HMGN5: variants seen among roughly 807,000 people sequenced by gnomAD.
HMGN5 encodes the protein high mobility group nucleosome binding domain 5, also known as high mobility group nucleosome-binding domain-containing protein 5.
A neutral mutation model predicts 9.5 loss-of-function variants in HMGN5; 4 were observed. The observed-to-expected ratio is 0.42, with a 90% confidence interval of 0.21 to 0.96. The LOEUF (loss-of-function observed/expected upper bound fraction) is 0.96, where lower values mean the gene tolerates loss of function less well. Ranked by LOEUF, HMGN5 falls within the 40% of genes least tolerant of loss-of-function variation. HMGN5 has a pLI of 0.30. For missense variants in HMGN5, 192 were observed against 187.5 expected, an observed-to-expected ratio of 1.02 and a Z score of -0.14; for synonymous variants, 55 against 57.1, an observed-to-expected ratio of 0.96 and a Z score of 0.16.
At chrX:81,153,123 T>C (rs1359660841) in intron 1 of HMGN5, among the ~76,000 whole-genome samples, 7 of 107,666 alleles carry the variant, frequency 6.5e-5, no homozygotes, top group Non-Finnish European at 1.2e-4. Context: ...TGTGCACATG[T>C]ACCCTAAAAC....
At chrX:81,164,370 T>A (rs1484023045) in intron 1 of HMGN5, among the ~76,000 whole-genome samples, 2 of 111,260 alleles carry the variant, frequency 1.8e-5, no homozygotes, top group Non-Finnish European at 3.8e-5. Flanking sequence ...TCCTAATGCA[T>A]GCTAGCATTT....
At chrX:81,155,075 G>GTATATATATATATATATATATATATA (rs761895749) in intron 1 of HMGN5, among the ~76,000 whole-genome samples, 1 of 68,982 alleles carries the variant, frequency 1.4e-5, no homozygotes, top group African/African-American at 5.5e-5. Flanking sequence ...GTATATATCA[G>GTATATATATATATATATATATATATA]TATATATATA....
intron 2 of HMGN5, among the ~76,000 whole-genome samples, chrX:81,120,122 G>C (rs1435993435): frequency 1.5e-4 from 17 of 112,251 alleles, no homozygotes; most frequent in Non-Finnish European, 3.0e-4. Flanking sequence ...ACCTGCTTTA[G>C]ATAATGTAAA....
chrX:81,168,335 G>C (rs1187005902), intron 1 of HMGN5, among the ~76,000 whole-genome samples: 2 of 111,689 alleles, frequency 1.8e-5, no homozygotes, highest in Non-Finnish European at 3.8e-5. Flanking sequence ...CAGAGAAAAG[G>C]GTTAATGGAA....
At chrX:81,122,693 C>A (rs1427650679) in intron 1 of HMGN5, among the ~76,000 whole-genome samples, 2 of 111,595 alleles carry the variant, frequency 1.8e-5, no homozygotes, top group Non-Finnish European at 3.8e-5. Flanking sequence ...TTCTAGGCGG[C>A]CCTTTAAAAT....
chrX:81,150,258 T>C (rs1027827527), intron 1 of HMGN5, among the ~76,000 whole-genome samples: 1 of 111,645 alleles, frequency 9.0e-6, no homozygotes, highest in Non-Finnish European at 1.9e-5. Flanking sequence ...ACATAAGGAA[T>C]TTTGGGAACT....
intron 1 of HMGN5, chrX:81,197,614 C>T (rs1377912051): frequency 1.8e-5 from 2 of 110,622 alleles, no homozygotes; most frequent in Admixed American, 9.6e-5. Context: ...CTCCAAAGAG[C>T]TCAGTGATGA....
At chrX:81,197,388 G>A (rs769928382) in intron 1 of HMGN5, among the ~76,000 whole-genome samples, 1 of 112,029 alleles carries the variant, frequency 8.9e-6, no homozygotes, top group East Asian at 2.8e-4. Context: ...CCATAATTTT[G>A]TAGTGTTTTG....
intron 1 of HMGN5, among the ~76,000 whole-genome samples, chrX:81,150,145 G>A (rs946106891): frequency 8.9e-6 from 1 of 112,458 alleles, no homozygotes; most frequent in Non-Finnish European, 1.9e-5. Context: ...CTCAAGAATA[G>A]ACCATATGTT....
chrX:81,198,792 G>A (rs2075516459), intron 1 of HMGN5, among the ~76,000 whole-genome samples: 1 of 111,646 alleles, frequency 9.0e-6, no homozygotes, highest in African/African-American at 3.3e-5. Flanking sequence ...ACAAAAACTG[G>A]AAGCATTCCC....
intron 6 of HMGN5, among the ~76,000 whole-genome samples, chrX:81,115,798 T>A (rs1429979619): frequency 6.2e-5 from 7 of 112,190 alleles, no homozygotes; most frequent in Non-Finnish European, 1.3e-4. Flanking sequence ...GCATTAAATA[T>A]GCAAAATAAG....
intron 1 of HMGN5, among the ~76,000 whole-genome samples, chrX:81,148,226 C>A (rs1015695829): frequency 8.9e-6 from 1 of 111,747 alleles, no homozygotes; most frequent in African/African-American, 3.3e-5. Flanking sequence ...TACCTGACTT[C>A]AAACTACTAC....
chrX:81,159,139 A>G (rs2075391911), intron 1 of HMGN5, among the ~76,000 whole-genome samples: 1 of 111,804 alleles, frequency 8.9e-6, no homozygotes, highest in East Asian at 2.8e-4. Flanking sequence ...AGCAACAGAA[A>G]ACCAAGCACT....
At chrX:81,188,024 TC>T (rs1325884579) in intron 1 of HMGN5, among the ~76,000 whole-genome samples, 1 of 110,715 alleles carries the variant, frequency 9.0e-6, no homozygotes, top group African/African-American at 3.3e-5. Flanking sequence ...TTAACTTCAT[TC>T]CTTTTTTTTA....
chrX:81,178,790 A>G (rs771881452), intron 1 of HMGN5, among the ~76,000 whole-genome samples: 1 of 111,833 alleles, frequency 8.9e-6, no homozygotes, highest in Non-Finnish European at 1.9e-5. Context: ...AATATAGATG[A>G]GAAAATCCTC....
Position 81,121,667 on chromosome X carries a change from TCTC to T in HMGN5, c.-121_-119del, listed in dbSNP as rs2075269039. On this transcript the variant is annotated splice_region_variant and 5_prime_UTR_variant, in exon 2 of 7. Transcript: ENST00000358130. ...GAACTAACTGCAGCACGACCTGTAC[TCTC>T]CTCTGGAAAAAAAAAAAATCCCTCG... The T allele has an allele frequency of 6.5e-6, 3 of 460,838 alleles. No homozygotes were observed. Among genetic ancestry groups the T allele is most frequent in the African/African-American group, 5.2e-5 (2 of 38,178 alleles). The allele number at this position is 460,838 out of a possible 1,213,427, so 38.0% of individuals were successfully genotyped here.
chrX:81,153,739 A>G (rs1265023777), intron 1 of HMGN5, among the ~76,000 whole-genome samples: 2 of 98,762 alleles, frequency 2.0e-5, no homozygotes, highest in Admixed American at 1.1e-4. Context: ...CAAAATCTAC[A>G]TACAATCTGA....
intron 1 of HMGN5, among the ~76,000 whole-genome samples, chrX:81,178,835 T>C (rs1406623883): frequency 1.8e-5 from 2 of 111,289 alleles, no homozygotes; most frequent in Admixed American, 1.9e-4. Context: ...CAGTAGCACA[T>C]CAAAAAGCTT....
chrX:81,185,772 T>C (rs2075475573), intron 1 of HMGN5, among the ~76,000 whole-genome samples: 1 of 111,568 alleles, frequency 9.0e-6, no homozygotes, highest in African/African-American at 3.2e-5. Flanking sequence ...GCTTTTACTA[T>C]GTAAAGGTAT....
Sources: allele counts gnomAD v4.1 joint callset (sites outside exome capture counted in the v4.1 genomes callset), GRCh38; gene constraint gnomAD v4.1.1; transcripts MANE v1.5; gene names NCBI Gene and HGNC (gene_info 2026-07-23, HGNC 2026-07-21).